The following TNFAIP8 variants were observed in gnomAD, a reference collection of about 807,000 sequenced individuals.
The protein encoded by TNFAIP8 is TNF alpha induced protein 8, also known as tumor necrosis factor alpha-induced protein 8.
TNFAIP8 carries 7 observed loss-of-function variants against 13.3 expected under a neutral mutation model. The ratio of observed to expected loss-of-function variants is 0.52; its 90% CI spans 0.30 to 0.99. The LOEUF (loss-of-function observed/expected upper bound fraction) is 0.99. TNFAIP8 is among the 50% of genes least tolerant of loss of function. The pLI is 0.07. For missense variants in TNFAIP8, 258 were observed against 236.9 expected (o/e 1.09, Z -0.58); for synonymous variants, 94 against 87.6 (o/e 1.07, Z -0.41).
At chr5:119,387,589 A>C (rs1276504261) in intron 1 of TNFAIP8, among the ~76,000 whole-genome samples, 2 of 152,252 alleles carry the variant, frequency 1.3e-5, no homozygotes, top group African/African-American at 4.8e-5. Flanking sequence ...ATTTTCATAA[A>C]ACTAAGTATT....
chr5:119,327,490 G>T (rs1039519959), intron 1 of TNFAIP8, among the ~76,000 whole-genome samples: 1 of 152,070 alleles, frequency 6.6e-6, no homozygotes, highest in Non-Finnish European at 1.5e-5. Flanking sequence ...ACAGAGTCTC[G>T]CTCTGTTACC....
chr5:119,355,499 G>A, upstream of TNFAIP8: 2 of 592,054 alleles, frequency 3.4e-6, no homozygotes, highest in Middle Eastern at 2.6e-4. Flanking sequence ...ATATCCATGC[G>A]ACTTTCCTAC....
chr5:119,343,215 T>C (rs933547561), intron 1 of TNFAIP8, among the ~76,000 whole-genome samples: 28 of 152,240 alleles, frequency 1.8e-4, no homozygotes, highest in African/African-American at 5.5e-4. Flanking sequence ...ACTGGACTTC[T>C]ACCGGGGATG....
intron 1 of TNFAIP8, among the ~76,000 whole-genome samples, chr5:119,282,573 G>A (rs981934191): frequency 6.6e-6 from 1 of 152,216 alleles, no homozygotes; most frequent in Non-Finnish European, 1.5e-5. Context: ...GGAACTCCTG[G>A]CGCACAGAGT....
At position 119,397,950 on chromosome 5, in the gene TNFAIP8, C is replaced by T. The variant is rs1320937228; in HGVS notation, c.*4569C>T. The T allele has an allele frequency of 1.3e-5, 2 of 152,216 alleles. No individual in the cohort carries two copies. Among genetic ancestry groups the T allele is most frequent in the African/African-American group, 4.8e-5 (2 of 41,452 alleles). 9.4% of individuals were successfully genotyped at this position (152,216 alleles called of 1,614,324 possible). On this transcript the variant is annotated 3_prime_UTR_variant, in exon 2 of 2. Transcript: ENST00000504771. Reference sequence around the variant, plus strand: ...TCCACGTAGCAAAGAACATCAGCCCCACGTTATAGGGAACAAGCGAGTCCC... The same window carrying T: ...TCCACGTAGCAAAGAACATCAGCCCTACGTTATAGGGAACAAGCGAGTCCC...
At chr5:119,304,234 G>A (rs1299578773) in intron 1 of TNFAIP8, among the ~76,000 whole-genome samples, 2 of 151,860 alleles carry the variant, frequency 1.3e-5, no homozygotes, top group East Asian at 1.9e-4. Flanking sequence ...TCCTCCTGCC[G>A]CAGCCTCCTG....
intron 1 of TNFAIP8, among the ~76,000 whole-genome samples, chr5:119,390,834 TC>T (rs1428524563): frequency 6.6e-6 from 1 of 152,164 alleles, no homozygotes; most frequent in African/African-American, 2.4e-5. Context: ...TTTAATTTTT[TC>T]TGAGACAGGG....
chr5:119,390,761 C>T (rs1272624170), intron 1 of TNFAIP8, among the ~76,000 whole-genome samples: 4 of 152,210 alleles, frequency 2.6e-5, no homozygotes, highest in Non-Finnish European at 5.9e-5. Flanking sequence ...CTATATACCA[C>T]GAACTACTTT....
upstream of TNFAIP8, chr5:119,355,250 G>A: frequency 1.4e-6 from 1 of 694,824 alleles, no homozygotes. Flanking sequence ...GCTGGTAGCC[G>A]GGAGGGAACC....
intron 1 of TNFAIP8, among the ~76,000 whole-genome samples, chr5:119,283,053 A>G (rs1748682532): frequency 6.6e-6 from 1 of 152,124 alleles, no homozygotes; most frequent in Non-Finnish European, 1.5e-5. Flanking sequence ...GCTTCTAGAG[A>G]CAGGTGAGTT....
intron 1 of TNFAIP8, among the ~76,000 whole-genome samples, chr5:119,364,886 C>A (rs1751783877): frequency 9.5e-6 from 1 of 105,380 alleles, no homozygotes. Context: ...GAGTCTTGCT[C>A]TGTCGCCCAT....
chr5:119,361,735 C>T (rs1305118419), intron 1 of TNFAIP8, among the ~76,000 whole-genome samples: 1 of 152,212 alleles, frequency 6.6e-6, no homozygotes. Flanking sequence ...GGTGCCAGCT[C>T]ACCTGGCTTC....
chr5:119,299,760 A>G (rs1749300846), intron 1 of TNFAIP8, among the ~76,000 whole-genome samples: 1 of 152,190 alleles, frequency 6.6e-6, no homozygotes, highest in Non-Finnish European at 1.5e-5. Context: ...GGTGGGCTCC[A>G]CCCAGTTCGA....
At chr5:119,363,169 C>T (rs1751698080) in intron 1 of TNFAIP8, among the ~76,000 whole-genome samples, 1 of 152,318 alleles carries the variant, frequency 6.6e-6, no homozygotes, top group South Asian at 2.1e-4. Flanking sequence ...GCCAGAAAGG[C>T]GAGAGCCCCG....
At chr5:119,288,468 C>T (rs1248257589) in intron 1 of TNFAIP8, among the ~76,000 whole-genome samples, 1 of 152,212 alleles carries the variant, frequency 6.6e-6, no homozygotes, top group Non-Finnish European at 1.5e-5. Context: ...GCAGCACAAT[C>T]AATGGGATTA....
At chr5:119,314,026 G>A (rs991381170) in intron 1 of TNFAIP8, among the ~76,000 whole-genome samples, 3 of 152,216 alleles carry the variant, frequency 2.0e-5, no homozygotes, top group Non-Finnish European at 4.4e-5. Context: ...AGTAGAGGCA[G>A]CATAATTACT....
At chr5:119,368,798 G>T (rs1444088198) in intron 1 of TNFAIP8, among the ~76,000 whole-genome samples, 3 of 152,098 alleles carry the variant, frequency 2.0e-5, no homozygotes, top group African/African-American at 7.2e-5. Flanking sequence ...AAAGAATGAG[G>T]TTAAGTTCTT....
At chr5:119,291,697 T>C (rs1302290429) in intron 1 of TNFAIP8, among the ~76,000 whole-genome samples, 3 of 152,234 alleles carry the variant, frequency 2.0e-5, no homozygotes, top group Non-Finnish European at 4.4e-5. Context: ...GCAGAGTTTT[T>C]TCCCTCTTAT....
At chr5:119,320,168 C>T (rs1271244807) in intron 1 of TNFAIP8, among the ~76,000 whole-genome samples, 3 of 152,038 alleles carry the variant, frequency 2.0e-5, no homozygotes, top group East Asian at 1.9e-4. Context: ...TTCAATCTAG[C>T]GACTGTGATT....
Sources: allele counts gnomAD v4.1 joint callset (sites outside exome capture counted in the v4.1 genomes callset), GRCh38; gene constraint gnomAD v4.1.1; transcripts MANE v1.5; gene names NCBI Gene and HGNC (gene_info 2026-07-23, HGNC 2026-07-21).